The following TMED10 variants were observed in gnomAD, a reference collection of about 807,000 sequenced individuals.
TMED10 encodes transmembrane p24 trafficking protein 10.
In TMED10, 7 loss-of-function variants were observed where a neutral mutation model predicts 23.1. That is an observed-to-expected ratio of 0.30 (90% confidence interval 0.17 to 0.57). The LOEUF (loss-of-function observed/expected upper bound fraction) is 0.57. TMED10 is among the 20% of genes least tolerant of loss of function. The pLI is 0.91. For synonymous variants in TMED10, 113 were observed against 106.9 expected, an observed-to-expected ratio of 1.06 and a Z score of -0.35; for missense variants, 162 against 274.8, an observed-to-expected ratio of 0.59 and a Z score of 2.90.
intron 1 of TMED10, among the ~76,000 whole-genome samples, chr14:75,165,601 T>G (rs1896150959): frequency 6.6e-6 from 1 of 152,178 alleles, no homozygotes; most frequent in African/African-American, 2.4e-5. Flanking sequence ...GGTGCTACAT[T>G]TAATGGGCAT....
At chr14:75,135,228 A>T in intron 4 of TMED10, among the ~76,000 whole-genome samples, 1 of 152,118 alleles carries the variant, frequency 6.6e-6, no homozygotes, top group Non-Finnish European at 1.5e-5. Flanking sequence ...AGGCAGGCAG[A>T]TCATGAAGTC....
chr14:75,161,622 T>C (rs147745536), intron 1 of TMED10, among the ~76,000 whole-genome samples: 1 of 152,264 alleles, frequency 6.6e-6, no homozygotes, highest in African/African-American at 2.4e-5. Flanking sequence ...ACAGTTCAAA[T>C]GAGTTCTTTT....
intron 1 of TMED10, among the ~76,000 whole-genome samples, chr14:75,157,147 C>T (rs1896029874): frequency 6.6e-6 from 1 of 152,058 alleles, no homozygotes; most frequent in East Asian, 1.9e-4. Context: ...AGCCAGGATG[C>T]AGAAGAAAAG....
intron 3 of TMED10, chr14:75,136,912 A>T (rs967014415): frequency 6.6e-6 from 1 of 152,188 alleles, no homozygotes; most frequent in Non-Finnish European, 1.5e-5. Flanking sequence ...TAATAACTAG[A>T]GGCATCTGTC....
At chr14:75,154,729 T>C (rs1896001128) in intron 1 of TMED10, among the ~76,000 whole-genome samples, 1 of 152,116 alleles carries the variant, frequency 6.6e-6, no homozygotes, top group Admixed American at 6.6e-5. Context: ...AGTGATGCGA[T>C]CTCGGCTTAC....
intron 1 of TMED10, among the ~76,000 whole-genome samples, chr14:75,170,047 GAAATACAAA>G (rs200884662): frequency 0.019 from 2,949 of 151,448 alleles, 85 homozygotes; most frequent in African/African-American, 0.068. Flanking sequence ...CTAACACGGT[GAAATACAAA>G]AAATACAAAA....
intron 1 of TMED10, among the ~76,000 whole-genome samples, chr14:75,161,794 T>C (rs2139852324): frequency 6.6e-6 from 1 of 151,618 alleles, no homozygotes; most frequent in East Asian, 1.9e-4. Flanking sequence ...GGACTACTTT[T>C]GGCCACTTGC....
At chr14:75,143,950 A>AG (rs1895852851) in intron 3 of TMED10, among the ~76,000 whole-genome samples, 2 of 150,978 alleles carry the variant, frequency 1.3e-5, no homozygotes, top group South Asian at 2.1e-4. Flanking sequence ...AAAAAAAAAA[A>AG]GGACTTTGGA....
At chr14:75,136,087 T>C (rs1444945186) in intron 3 of TMED10, among the ~76,000 whole-genome samples, 1 of 152,200 alleles carries the variant, frequency 6.6e-6, no homozygotes, top group African/African-American at 2.4e-5. Flanking sequence ...TTTGATACTT[T>C]AATTTTGACT....
chr14:75,170,369 C>A (rs963096790), intron 1 of TMED10, among the ~76,000 whole-genome samples: 5 of 152,160 alleles, frequency 3.3e-5, no homozygotes, highest in African/African-American at 1.2e-4. Flanking sequence ...CTTGTGGTCT[C>A]CAAATACCAA....
intron 1 of TMED10, among the ~76,000 whole-genome samples, chr14:75,169,486 C>T (rs142929666): frequency 0.015 from 2,288 of 152,132 alleles, 19 homozygotes; most frequent in Middle Eastern, 0.068. Flanking sequence ...TGTGAAACCC[C>T]GTCTCTACTA....
intron 1 of TMED10, among the ~76,000 whole-genome samples, chr14:75,163,403 A>T (rs1896108569): frequency 6.6e-6 from 1 of 151,644 alleles, no homozygotes; most frequent in Non-Finnish European, 1.5e-5. Context: ...ATATACAAAA[A>T]CTAGCCGGGC....
intron 3 of TMED10, among the ~76,000 whole-genome samples, chr14:75,138,822 T>TA (rs1895785956): frequency 1.9e-5 from 2 of 108,060 alleles, no homozygotes; most frequent in African/African-American, 3.1e-5. Context: ...CTTTTTTTTT[T>TA]TTTTTTTTTT....
chr14:75,145,648 G>T (rs762473448), intron 3 of TMED10, among the ~76,000 whole-genome samples: 1 of 152,088 alleles, frequency 6.6e-6, no homozygotes, highest in South Asian at 2.1e-4. Flanking sequence ...TTAGCTGGGC[G>T]TGGTGATGGG....
Position 75,147,653 on chromosome 14 carries a change from G to A in TMED10, c.411+11C>T. The A allele has an allele frequency of 6.2e-7, 1 of 1,613,988 alleles. No homozygotes were observed. The highest frequency in any genetic ancestry group is 8.5e-7 in the Non-Finnish European group (1 of 1,179,906). On this transcript the variant is annotated intron_variant, in intron 3 of 4. Transcript: ENST00000303575. ...ACTGCTGCCTCCTCTGGCTGTTAGA[G>A]CAGGACATACCTCTTCGTAATTTTT...
chr14:75,163,629 A>G (rs1206411663), intron 1 of TMED10, among the ~76,000 whole-genome samples: 1 of 151,616 alleles, frequency 6.6e-6, no homozygotes, highest in East Asian at 1.9e-4. Flanking sequence ...ACCATACAAC[A>G]TAGTACTTTT....
intron 3 of TMED10, among the ~76,000 whole-genome samples, chr14:75,140,560 T>C (rs1351052830): frequency 6.6e-6 from 1 of 152,036 alleles, no homozygotes; most frequent in African/African-American, 2.4e-5. Flanking sequence ...TTACAAAAAT[T>C]AGCTGGGCAT....
At chr14:75,153,282 A>G (rs770660100) in intron 1 of TMED10, among the ~76,000 whole-genome samples, 4 of 145,594 alleles carry the variant, frequency 2.7e-5, no homozygotes, top group Non-Finnish European at 6.0e-5. Flanking sequence ...TCAAAAAAAC[A>G]AAAACAAAAA....
At chr14:75,141,040 C>G (rs1326094461) in intron 3 of TMED10, among the ~76,000 whole-genome samples, 4 of 151,910 alleles carry the variant, frequency 2.6e-5, no homozygotes, top group African/African-American at 9.7e-5. Flanking sequence ...TTATTATGTG[C>G]AAGGTACCAA....
Sources: allele counts gnomAD v4.1 joint callset (sites outside exome capture counted in the v4.1 genomes callset), GRCh38; gene constraint gnomAD v4.1.1; transcripts MANE v1.5; gene names NCBI Gene and HGNC (gene_info 2026-07-23, HGNC 2026-07-21).